Variants in LSAMP observed in about 807,000 individuals in gnomAD.
LSAMP encodes the protein limbic system-associated membrane protein.
Under a neutral mutation model 38.6 loss-of-function variants are expected in LSAMP, and 7 were observed. That is an observed-to-expected ratio of 0.18 (90% CI 0.10 to 0.34). The LOEUF is 0.34. Among genes scored for constraint, LSAMP ranks in the 10% least tolerant of loss-of-function variants. The pLI is 1.00. For synonymous variants in LSAMP, 154 were observed against 166.8 expected, an observed-to-expected ratio of 0.92 and a Z score of 0.59; for missense variants, 313 against 420.0, an observed-to-expected ratio of 0.75 and a Z score of 2.23.
intron 3 of LSAMP, among the ~76,000 whole-genome samples, chr3:115,902,595 T>C (rs1936904549): frequency 2.6e-5 from 4 of 152,144 alleles, no homozygotes; most frequent in Admixed American, 2.6e-4. Flanking sequence ...ACTATGCATC[T>C]GTCAAAGGTT....
chr3:116,197,810 T>C lies in LSAMP; in HGVS notation c.156-111254A>G, dbSNP rs541203427. On this transcript the variant is annotated intron_variant, in intron 1 of 6. Transcript: ENST00000490035. Reference sequence around the variant, plus strand: ...GAGATCCGATCCTTGCTTCCAATGATATATACAGTTCAGTAGTGGGCAAAC... The same window carrying C: ...GAGATCCGATCCTTGCTTCCAATGACATATACAGTTCAGTAGTGGGCAAAC... 3.3e-5 allele frequency among the ~76,000 whole-genome samples: 5 copies of C among 152,292 alleles called. No individual in the cohort carries two copies. In the East Asian group the frequency reaches 5.8e-4, roughly 18 times the overall value.
chr3:115,959,290 C>A (rs1289268340), intron 3 of LSAMP, among the ~76,000 whole-genome samples: 2 of 152,048 alleles, frequency 1.3e-5, no homozygotes, highest in Non-Finnish European at 2.9e-5. Flanking sequence ...GCATTCAAGG[C>A]ATAGAGTCTA....
At chr3:116,005,874 G>C (rs140674556) in intron 3 of LSAMP, among the ~76,000 whole-genome samples, 65 of 152,324 alleles carry the variant, frequency 4.3e-4, no homozygotes, top group Non-Finnish European at 4.9e-4. Flanking sequence ...GGGGTGAGGA[G>C]CTAGCAATAG....
intron 1 of LSAMP, among the ~76,000 whole-genome samples, chr3:116,280,178 T>C (rs1009750071): frequency 3.9e-5 from 6 of 152,188 alleles, no homozygotes; most frequent in African/African-American, 1.4e-4. Flanking sequence ...ATTAAATCAA[T>C]ACATAACAAC....
rs143678351 is a variant in LSAMP at position 116,418,489 on chromosome 3, G to GTT, written c.155+26386_155+26387dup. Among the ~76,000 whole-genome samples, 415 of 151,084 alleles carry GTT rather than the reference G, an allele frequency of 2.7e-3. 4 individuals carry two copies. The highest frequency in any genetic ancestry group is 9.5e-3 in the African/African-American group (390 of 41,092). ...ATCATTTCTTCATTATATTTCTCAT[G>GTT]TTTTTTTTTAAATTTATTTTCAATG... On this transcript the variant is annotated intron_variant, in intron 1 of 6. Coordinates refer to ENST00000490035, the MANE Select transcript of LSAMP (RefSeq NM_002338.5).
At chr3:116,368,490 A>G (rs2048385572) in intron 1 of LSAMP, among the ~76,000 whole-genome samples, 1 of 152,196 alleles carries the variant, frequency 6.6e-6, no homozygotes, top group South Asian at 2.1e-4. Flanking sequence ...TAAAAAAGTA[A>G]AGGATCAATT....
chr3:116,243,949 G>A (rs999931102), intron 1 of LSAMP, among the ~76,000 whole-genome samples: 2 of 152,152 alleles, frequency 1.3e-5, no homozygotes, highest in Non-Finnish European at 2.9e-5. Context: ...TCAGTAGAAA[G>A]TTCCCTGTGC....
chr3:116,292,245 G>A (rs190951094), intron 1 of LSAMP, among the ~76,000 whole-genome samples: 6 of 152,194 alleles, frequency 3.9e-5, no homozygotes, highest in Admixed American at 1.3e-4. Context: ...TTAACAGTCC[G>A]TGCATCAAGT....
At chr3:116,439,105 C>A (rs2049395082) in intron 1 of LSAMP, among the ~76,000 whole-genome samples, 1 of 152,092 alleles carries the variant, frequency 6.6e-6, no homozygotes, top group South Asian at 2.1e-4. Context: ...CCAGTCCCTT[C>A]CCCAAACAAA....
At chr3:116,158,607 A>T (rs1317767615) in intron 1 of LSAMP, among the ~76,000 whole-genome samples, 3 of 152,180 alleles carry the variant, frequency 2.0e-5, no homozygotes, top group Non-Finnish European at 4.4e-5. Flanking sequence ...CAATAGCTAC[A>T]AAAAGAATAA....
chr3:115,867,456 T>C (rs1935893880), intron 3 of LSAMP, among the ~76,000 whole-genome samples: 1 of 152,112 alleles, frequency 6.6e-6, no homozygotes, highest in African/African-American at 2.4e-5. Flanking sequence ...TTTTGACAGA[T>C]GGCTTTACCC....
At chr3:115,935,709 G>C (rs951973193) in intron 3 of LSAMP, among the ~76,000 whole-genome samples, 3 of 152,154 alleles carry the variant, frequency 2.0e-5, no homozygotes, top group Non-Finnish European at 4.4e-5. Flanking sequence ...CAGGATGGGG[G>C]TATGTCTTCA....
chr3:115,993,480 A>G (rs1456804676), intron 3 of LSAMP, among the ~76,000 whole-genome samples: 1 of 152,062 alleles, frequency 6.6e-6, no homozygotes, highest in Admixed American at 6.6e-5. Flanking sequence ...ATTAACATTT[A>G]ATGATTATGT....
chr3:115,818,436 C>G, intron 6 of LSAMP, among the ~76,000 whole-genome samples: 1 of 152,102 alleles, frequency 6.6e-6, no homozygotes, highest in East Asian at 1.9e-4. Context: ...GAAATCCAGA[C>G]AGGTAGGAAG....
intron 3 of LSAMP, among the ~76,000 whole-genome samples, chr3:115,885,768 C>G (rs547876172): frequency 6.6e-6 from 1 of 151,796 alleles, no homozygotes; most frequent in East Asian, 1.9e-4. Flanking sequence ...AAGTTAGAGT[C>G]AATACTCATG....
chr3:116,320,382 C>A (rs1030419632), intron 1 of LSAMP, among the ~76,000 whole-genome samples: 2 of 152,138 alleles, frequency 1.3e-5, no homozygotes, highest in African/African-American at 4.8e-5. Context: ...CACTGCACTG[C>A]AGCCTGGGTG....
rs150705226 is a variant in LSAMP, at chr3:116,273,683, C to CAGATATATATATATAT, written c.155+171193_155+171194insATATATATATATATCT. 5.3e-3 allele frequency among the ~76,000 whole-genome samples: 268 copies of CAGATATATATATATAT among 50,316 alleles called. 9 individuals are homozygous for CAGATATATATATATAT. Among genetic ancestry groups the CAGATATATATATATAT allele is most frequent in the African/African-American group, 0.021 (162 of 7,850 alleles). The allele number at this position is 50,316 out of a possible 152,430, so 33.0% of individuals were successfully genotyped here. ...GACCACCAAGAGAAAGAGAAAGAGG[C>CAGATATATATATATAT]ATATATATATATATATATATATATA... On this transcript the variant is annotated intron_variant, in intron 1 of 6. Coordinates refer to ENST00000490035, the MANE Select transcript of LSAMP (RefSeq NM_002338.5).
intron 1 of LSAMP, among the ~76,000 whole-genome samples, chr3:116,345,533 T>C (rs1376596534): frequency 1.3e-5 from 2 of 152,102 alleles, no homozygotes; most frequent in Admixed American, 6.6e-5. Context: ...CTCCAGTAAA[T>C]TTCAGAAACT....
intron 1 of LSAMP, among the ~76,000 whole-genome samples, chr3:116,125,641 C>G (rs1441907570): frequency 2.0e-5 from 3 of 152,102 alleles, no homozygotes; most frequent in African/African-American, 7.2e-5. Context: ...GTTGGATAAA[C>G]AATGATATGG....
Sources: gnomAD v4.1 joint callset for allele counts (sites outside exome capture counted in the v4.1 genomes callset) on GRCh38, gnomAD v4.1.1 for gene constraint, MANE v1.5 for transcripts, NCBI Gene and HGNC (gene_info 2026-07-23, HGNC 2026-07-21) for gene names.